PDE4D: variants seen among roughly 807,000 people sequenced by gnomAD.
The protein encoded by PDE4D is phosphodiesterase 4D.
A neutral mutation model predicts 87.4 loss-of-function variants in PDE4D; 24 were observed. That is an observed-to-expected ratio of 0.27 (90% CI 0.20 to 0.39). The LOEUF (loss-of-function observed/expected upper bound fraction) is 0.39. Ranked by LOEUF, PDE4D falls within the 10% of genes least tolerant of loss-of-function variation. PDE4D has a pLI of 1.00. For missense variants in PDE4D, 714 were observed against 1,041.0 expected, an observed-to-expected ratio of 0.69 and a Z score of 4.32; for synonymous variants, 384 against 383.2, an observed-to-expected ratio of 1.00 and a Z score of -0.02.
chr5:60,285,138 A>T (rs1053385960), intron 1 of PDE4D, among the ~76,000 whole-genome samples: 2 of 152,088 alleles, frequency 1.3e-5, no homozygotes, highest in African/African-American at 4.8e-5. Flanking sequence ...CATTCTATTT[A>T]GTTTTCACAT....
chr5:59,254,606 T>C (rs923590731), intron 1 of PDE4D, among the ~76,000 whole-genome samples: 9 of 151,880 alleles, frequency 5.9e-5, no homozygotes, highest in African/African-American at 2.2e-4. Context: ...GGAAAATACA[T>C]TTCTTCTTCT....
At chr5:60,354,979 G>A (rs941224799) in intron 1 of PDE4D, among the ~76,000 whole-genome samples, 3 of 152,114 alleles carry the variant, frequency 2.0e-5, no homozygotes, top group Non-Finnish European at 2.9e-5. Context: ...TATATACTAT[G>A]ATTGCCATTC....
At chr5:60,324,152 CACTCA>C (rs1756562610) in intron 1 of PDE4D, among the ~76,000 whole-genome samples, 1 of 152,200 alleles carries the variant, frequency 6.6e-6, no homozygotes, top group Non-Finnish European at 1.5e-5. Context: ...ATATTGCAAA[CACTCA>C]AAAGAATTTT....
chr5:59,597,051 C>T (rs1826793012), intron 1 of PDE4D, among the ~76,000 whole-genome samples: 1 of 152,114 alleles, frequency 6.6e-6, no homozygotes, highest in African/African-American at 2.4e-5. Context: ...TTTCCTAATC[C>T]AATAGGCCCT....
intron 2 of PDE4D, among the ~76,000 whole-genome samples, chr5:60,156,023 G>A (rs1419755647): frequency 2.6e-5 from 4 of 152,296 alleles, no homozygotes; most frequent in African/African-American, 9.6e-5. Flanking sequence ...CAGGGTTGCA[G>A]GGCCAAAGCC....
chr5:58,990,183 C>T (rs979493058), intron 9 of PDE4D, among the ~76,000 whole-genome samples: 1 of 152,150 alleles, frequency 6.6e-6, no homozygotes, highest in Non-Finnish European at 1.5e-5. Context: ...GGTGCCAACT[C>T]TAAAAGTTTC....
In PDE4D at chr5:59,814,299, ACTGT is replaced by A. The variant is rs1204291818; in HGVS notation, c.455+78865_455+78868del. ...CATCAGTCAAGTAGTTGCGACAGAG[ACTGT>A]CTGTCCCACAAAACTTAAAATATTT... On this transcript the variant is annotated intron_variant, in intron 1 of 14. Coordinates refer to ENST00000340635, the MANE Select transcript of PDE4D (RefSeq NM_001104631.2). Among the ~76,000 whole-genome samples the A allele has an allele frequency of 5.3e-5, 8 of 152,306 alleles. No homozygotes were observed. The East Asian group carries it at 1.4e-3, about 26-fold the overall frequency.
intron 2 of PDE4D, among the ~76,000 whole-genome samples, chr5:59,206,769 T>C (rs953204166): frequency 6.6e-6 from 1 of 152,174 alleles, no homozygotes; most frequent in Non-Finnish European, 1.5e-5. Context: ...CATTCAAAAA[T>C]GCACATCAAT....
chr5:59,376,787 C>T (rs1302468566), intron 1 of PDE4D, among the ~76,000 whole-genome samples: 2 of 152,158 alleles, frequency 1.3e-5, no homozygotes, highest in Non-Finnish European at 2.9e-5. Flanking sequence ...TCAAACTATA[C>T]TACAGGGCCA....
intron 2 of PDE4D, among the ~76,000 whole-genome samples, chr5:59,199,266 T>C (rs1057044473): frequency 6.6e-6 from 1 of 151,914 alleles, no homozygotes; most frequent in African/African-American, 2.4e-5. Flanking sequence ...CCTTTTTTTT[T>C]TTTTTTCAAT....
chr5:59,972,275 C>A (rs1760865102), intron 3 of PDE4D, among the ~76,000 whole-genome samples: 1 of 152,148 alleles, frequency 6.6e-6, no homozygotes, highest in South Asian at 2.1e-4. Flanking sequence ...GAAACTCCCC[C>A]AAAACAGAAG....
chr5:60,513,053 G>A (rs1202239027), intron 1 of PDE4D, among the ~76,000 whole-genome samples: 2 of 152,026 alleles, frequency 1.3e-5, no homozygotes, highest in Non-Finnish European at 2.9e-5. Context: ...TTTTAAAAAA[G>A]GGGAAACAAA....
chr5:59,928,615 C>G (rs946399005), intron 3 of PDE4D, among the ~76,000 whole-genome samples: 4 of 151,980 alleles, frequency 2.6e-5, no homozygotes, highest in East Asian at 1.9e-4. Flanking sequence ...ATGGAAGTAA[C>G]TTACTGGTCA....
Position 60,479,552 on chromosome 5 carries a change from T to C in PDE4D, c.-90+8390A>G, listed in dbSNP as rs952316360. 5.9e-5 allele frequency among the ~76,000 whole-genome samples: 9 copies of C among 152,322 alleles called. No homozygotes were observed. In the South Asian group the frequency reaches 6.2e-4, roughly 11 times the overall value. ...ACTAAATGTAGTAACATCTCATTTA[T>C]TTCTGTCTCTGTCCAATTTTAAAGC... On this transcript the variant is annotated intron_variant, in intron 1 of 16. Transcript: ENST00000502484.
intron 1 of PDE4D, among the ~76,000 whole-genome samples, chr5:59,500,506 G>T (rs1159889900): frequency 6.6e-6 from 1 of 152,144 alleles, no homozygotes; most frequent in Non-Finnish European, 1.5e-5. Context: ...AACAGAAACA[G>T]AAAACCAAAT....
intron 1 of PDE4D, among the ~76,000 whole-genome samples, chr5:59,830,197 T>C (rs1740969476): frequency 6.6e-6 from 1 of 152,004 alleles, no homozygotes; most frequent in Admixed American, 6.6e-5. Flanking sequence ...TCACCTGTAA[T>C]TGGACAACAA....
intron 1 of PDE4D, among the ~76,000 whole-genome samples, chr5:59,380,340 T>C (rs1460079513): frequency 8.3e-6 from 1 of 120,652 alleles, no homozygotes; most frequent in Non-Finnish European, 1.7e-5. Context: ...AATCCCATCA[T>C]ATAAATCCTC....
At chr5:60,104,035 T>C (rs1468662091) in intron 2 of PDE4D, among the ~76,000 whole-genome samples, 5 of 151,620 alleles carry the variant, frequency 3.3e-5, no homozygotes, top group Admixed American at 3.3e-4. Flanking sequence ...GCACACTGTG[T>C]GCGAGCCGAA....
chr5:59,518,392 G>A (rs897160099), intron 1 of PDE4D, among the ~76,000 whole-genome samples: 1 of 152,112 alleles, frequency 6.6e-6, no homozygotes, highest in Non-Finnish European at 1.5e-5. Flanking sequence ...GCTGAGTCAT[G>A]ATGAATACAA....
Sources: allele counts gnomAD v4.1 joint callset (sites outside exome capture counted in the v4.1 genomes callset), GRCh38; gene constraint gnomAD v4.1.1; transcripts MANE v1.5; gene names NCBI Gene and HGNC (gene_info 2026-07-23, HGNC 2026-07-21).